FBXO11: variants seen among roughly 807,000 people sequenced by gnomAD.
The protein encoded by FBXO11 is F-box protein 11.
Under a neutral mutation model 117.0 loss-of-function variants are expected in FBXO11, and 13 were observed. That is an observed-to-expected ratio of 0.11 (90% CI 0.07 to 0.18). The LOEUF is 0.18. Ranked by LOEUF, FBXO11 falls within the 10% of genes least tolerant of loss-of-function variation. The pLI is 1.00. For synonymous variants in FBXO11, 490 were observed against 380.5 expected (o/e 1.29, Z -3.35); for missense variants, 767 against 1,164.4 (o/e 0.66, Z 4.97).
At chr2:47,897,528 C>G (rs1463297696) in intron 1 of FBXO11, among the ~76,000 whole-genome samples, 1 of 152,032 alleles carries the variant, frequency 6.6e-6, no homozygotes, top group Non-Finnish European at 1.5e-5. Flanking sequence ...GAAACCCCGT[C>G]TCTACTGAAA....
chr2:47,878,770 G>T (rs1676207824), intron 1 of FBXO11, among the ~76,000 whole-genome samples: 1 of 151,366 alleles, frequency 6.6e-6, no homozygotes, highest in South Asian at 2.1e-4. Context: ...CTGAGGTCAG[G>T]AGTTCGAGAC....
At chr2:47,878,331 C>G (rs1676164554) in intron 1 of FBXO11, among the ~76,000 whole-genome samples, 2 of 151,968 alleles carry the variant, frequency 1.3e-5, no homozygotes, top group Non-Finnish European at 2.9e-5. Flanking sequence ...TGTATTTAGT[C>G]TCTATTTAAC....
At chr2:47,881,322 G>T (rs113146107) in intron 1 of FBXO11, among the ~76,000 whole-genome samples, 1,872 of 152,220 alleles carry the variant, frequency 0.012, 30 homozygotes, top group African/African-American at 0.04. Context: ...GGTTATATAA[G>T]AATTTTTTTT....
At chr2:47,823,417 G>A in intron 11 of FBXO11, 57 bp from the exon 12 acceptor site, 4 of 1,302,796 alleles carry the variant, frequency 3.1e-6, no homozygotes, top group Non-Finnish European at 4.2e-6. Flanking sequence ...AAAAAGAAAT[G>A]CCATTTAAAA....
rs1187017015 is a variant in FBXO11, at chr2:47,809,698, A to G, written c.2348T>C (p.Ile783Thr). 6.2e-7 allele frequency: 1 copy of G among 1,611,434 alleles called. No homozygotes were observed. Among genetic ancestry groups the G allele is most frequent in the East Asian group, 2.2e-5 (1 of 44,784 alleles). The stretch of plus-strand genomic sequence containing the variant: ...TAGTGTTGCAGTTGCGTGATTTGTA[A>G]TTTCAATACCTGAAGTAAAATTTAC... Reference protein sequence around the residue: ...IFDGFAAGIEITNHATATLEG... With the variant: ...IFDGFAAGIETTNHATATLEG... The change falls in exon 20 of 23, where the codon ATT becomes ACT. Residue 783 changes from isoleucine to threonine, a missense_variant. Around this residue, in one of 10 missense-constraint regions of FBXO11, gnomAD observed 66 missense variants for 82.7 expected, o/e 0.80. Transcript: ENST00000403359.
At chr2:47,828,048 C>A (rs1254948758) in intron 11 of FBXO11, among the ~76,000 whole-genome samples, 1 of 151,980 alleles carries the variant, frequency 6.6e-6, no homozygotes. Flanking sequence ...GGAGCTATCA[C>A]AGGTCATTAC....
At chr2:47,862,875 T>A (rs1674884685) in intron 1 of FBXO11, among the ~76,000 whole-genome samples, 1 of 151,774 alleles carries the variant, frequency 6.6e-6, no homozygotes. Context: ...ACCAACATGG[T>A]GAAACCCCAT....
At position 47,879,128 on chromosome 2, in the gene FBXO11, C is replaced by T. The variant is rs972533734; in HGVS notation, c.232+26361G>A. On this transcript the variant is annotated intron_variant, in intron 1 of 22. Coordinates refer to ENST00000403359, the MANE Select transcript of FBXO11 (RefSeq NM_001190274.2). ...TAAATTATGCAGCCCCAGAATTTTG[C>T]CTTTTTCTTACAGCTGCATGGTATT... Among the ~76,000 whole-genome samples, 3 of 152,248 alleles carry T rather than the reference C, an allele frequency of 2.0e-5. No individual in the cohort carries two copies. The East Asian group carries it at 5.8e-4, about 29-fold the overall frequency.
chr2:47,905,908 G>A lies in FBXO11; in HGVS notation c.-188C>T. The stretch of plus-strand genomic sequence containing the variant: ...CCGAGTCCGGAGAAAGGCCCGGGTA[G>A]ACAGACGGAGACCGAGCGAGGCCGG... On this transcript the variant is annotated 5_prime_UTR_variant, in exon 1 of 23. Coordinates refer to ENST00000403359, the MANE Select transcript of FBXO11 (RefSeq NM_001190274.2). 1.7e-6 allele frequency: 1 copy of A among 602,602 alleles called. No individual in the cohort carries two copies. The allele number at this position is 602,602 out of a possible 1,614,324, so 37.3% of individuals were successfully genotyped here.
At chr2:47,863,775 T>C (rs1042699086) in intron 1 of FBXO11, among the ~76,000 whole-genome samples, 1 of 152,058 alleles carries the variant, frequency 6.6e-6, no homozygotes, top group Non-Finnish European at 1.5e-5. Flanking sequence ...ACCACATATC[T>C]ACTAAAAATA....
chr2:47,885,479 G>A (rs756220217), intron 1 of FBXO11, among the ~76,000 whole-genome samples: 2 of 152,104 alleles, frequency 1.3e-5, no homozygotes, highest in Non-Finnish European at 2.9e-5. Flanking sequence ...GGAGGCTGAG[G>A]CACGAGAAAC....
At chr2:47,893,415 C>G (rs1572917724) in intron 1 of FBXO11, among the ~76,000 whole-genome samples, 2 of 151,944 alleles carry the variant, frequency 1.3e-5, no homozygotes, top group Non-Finnish European at 2.9e-5. Flanking sequence ...GTATCTCTAT[C>G]CCTAGAAATA....
chr2:47,850,048 G>T (rs184679570), intron 1 of FBXO11, among the ~76,000 whole-genome samples: 4 of 152,166 alleles, frequency 2.6e-5, no homozygotes, highest in African/African-American at 9.7e-5. Context: ...ACGAGTAAGG[G>T]AGCTACAGCA....
At chr2:47,809,465 T>C in intron 20 of FBXO11, 135 bp downstream of exon 20, 1 of 728,736 alleles carries the variant, frequency 1.4e-6, no homozygotes, top group Non-Finnish European at 2.2e-6. Flanking sequence ...GAACCAAAGC[T>C]CTGTTTCTTT....
chr2:47,877,430 C>A (rs549757149), intron 1 of FBXO11, among the ~76,000 whole-genome samples: 45 of 152,248 alleles, frequency 3.0e-4, no homozygotes, highest in African/African-American at 1.1e-3. Flanking sequence ...TTTTTTCCCA[C>A]TAAGCAACAA....
intron 1 of FBXO11, among the ~76,000 whole-genome samples, chr2:47,898,751 T>C (rs1677866256): frequency 6.6e-6 from 1 of 152,172 alleles, no homozygotes. Context: ...ACAGATGGTA[T>C]AGAACAGGGG....
intron 18 of FBXO11, among the ~76,000 whole-genome samples, chr2:47,812,447 A>G (rs1004911506): frequency 1.3e-5 from 2 of 152,254 alleles, no homozygotes; most frequent in African/African-American, 2.4e-5. Context: ...ACACCTTGCA[A>G]ATAAACCATT....
intron 21 of FBXO11, 59 bp downstream of exon 21, chr2:47,809,099 T>C (rs1395428763): frequency 1.2e-5 from 13 of 1,109,398 alleles, no homozygotes; most frequent in Non-Finnish European, 1.7e-5. Flanking sequence ...TAGGCATTGC[T>C]AATTTAAAAA....
chr2:47,825,992 G>C (rs1321845517), intron 11 of FBXO11, among the ~76,000 whole-genome samples: 1 of 152,112 alleles, frequency 6.6e-6, no homozygotes, highest in African/African-American at 2.4e-5. Context: ...TCAAATGCAA[G>C]GGATAATCTT....
Sources: gnomAD v4.1 joint callset for allele counts (sites outside exome capture counted in the v4.1 genomes callset) on GRCh38, gnomAD v4.1.1 for gene constraint, gnomAD v4.1.1 regional missense constraint, MANE v1.5 for transcripts, NCBI Gene and HGNC (gene_info 2026-07-23, HGNC 2026-07-21) for gene names.